Variants in AK5 observed in about 807,000 individuals in gnomAD.
AK5 encodes the protein adenylate kinase 5.
AK5 carries 27 observed loss-of-function variants against 69.5 expected under a neutral mutation model. The ratio of observed to expected loss-of-function variants is 0.39; its 90% CI spans 0.29 to 0.54. The LOEUF (loss-of-function observed/expected upper bound fraction) is 0.54, where lower values mean the gene tolerates loss of function less well. Among genes scored for constraint, AK5 ranks in the 20% least tolerant of loss-of-function variants. The pLI is 0.71. For missense variants in AK5, 531 were observed against 700.4 expected (o/e 0.76, Z 2.73); for synonymous variants, 260 against 244.4 (o/e 1.06, Z -0.60).
chr1:77,310,708 A>G (rs952825796), intron 5 of AK5, among the ~76,000 whole-genome samples: 3 of 152,100 alleles, frequency 2.0e-5, no homozygotes. Flanking sequence ...AGGTATGCCT[A>G]TACATTTATT....
chr1:77,386,274 C>T (rs1314743232), intron 6 of AK5, among the ~76,000 whole-genome samples: 1 of 152,078 alleles, frequency 6.6e-6, no homozygotes, highest in Non-Finnish European at 1.5e-5. Flanking sequence ...TTCAGGATGG[C>T]AATATTATAA....
At chr1:77,406,704 G>GAAAAAAAAAAAAA (rs752481198) in intron 6 of AK5, among the ~76,000 whole-genome samples, 17 of 147,606 alleles carry the variant, frequency 1.2e-4, no homozygotes, top group African/African-American at 3.8e-4. Context: ...CTGATGCTGA[G>GAAAAAAAAAAAAA]GAAAAAAAAA....
At chr1:77,310,405 A>C in intron 5 of AK5, among the ~76,000 whole-genome samples, 1 of 151,872 alleles carries the variant, frequency 6.6e-6, no homozygotes, top group East Asian at 1.9e-4. Flanking sequence ...TTTGAGACAG[A>C]GTCTTACTCA....
intron 8 of AK5, among the ~76,000 whole-genome samples, chr1:77,432,502 A>G (rs1181362953): frequency 6.6e-6 from 1 of 152,220 alleles, no homozygotes; most frequent in African/African-American, 2.4e-5. Flanking sequence ...AGCAACAGGT[A>G]CAAGTTTTAA....
intron 13 of AK5, among the ~76,000 whole-genome samples, chr1:77,552,118 C>A (rs1356033668): frequency 6.6e-6 from 1 of 152,198 alleles, no homozygotes; most frequent in Admixed American, 6.5e-5. Flanking sequence ...CCTCCATCAT[C>A]CCCAGGTGCT....
intron 1 of AK5, 88 bp downstream of exon 1, chr1:77,282,461 TC>T: frequency 6.8e-7 from 1 of 1,466,412 alleles, no homozygotes; most frequent in Non-Finnish European, 9.1e-7. Flanking sequence ...CGTCCCACCT[TC>T]CCCACACGGG....
At chr1:77,500,741 C>T (rs1318379912) in intron 10 of AK5, among the ~76,000 whole-genome samples, 2 of 152,144 alleles carry the variant, frequency 1.3e-5, no homozygotes, top group Non-Finnish European at 2.9e-5. Flanking sequence ...GAGATTGCAC[C>T]ACTGCACTCC....
At chr1:77,468,540 T>A (rs779847031) in intron 8 of AK5, among the ~76,000 whole-genome samples, 5 of 152,262 alleles carry the variant, frequency 3.3e-5, no homozygotes, top group Non-Finnish European at 7.3e-5. Context: ...ATTTTGAATT[T>A]CCCAGCTTTT....
At chr1:77,397,849 C>G (rs1033959553) in intron 6 of AK5, among the ~76,000 whole-genome samples, 1 of 152,196 alleles carries the variant, frequency 6.6e-6, no homozygotes, top group African/African-American at 2.4e-5. Context: ...CTGCAGTAAG[C>G]TATAATCATC....
At chr1:77,384,098 A>T (rs1202280775) in intron 6 of AK5, among the ~76,000 whole-genome samples, 1 of 152,138 alleles carries the variant, frequency 6.6e-6, no homozygotes, top group East Asian at 1.9e-4. Context: ...TATTCTACAG[A>T]TGGGCACGAA....
At chr1:77,509,582 A>G (rs1373189478) in intron 10 of AK5, among the ~76,000 whole-genome samples, 1 of 152,224 alleles carries the variant, frequency 6.6e-6, no homozygotes, top group Admixed American at 6.5e-5. Flanking sequence ...CCTTAACCCA[A>G]CATAGGGACC....
At chr1:77,343,104 G>A (rs1446903403) in intron 6 of AK5, among the ~76,000 whole-genome samples, 1 of 152,156 alleles carries the variant, frequency 6.6e-6, no homozygotes, top group Non-Finnish European at 1.5e-5. Context: ...GATGACTGTT[G>A]AGTTATGTGT....
At position 77,368,245 on chromosome 1, in the gene AK5, A is replaced by ATGTTATATATAT. The variant is rs1553140332; in HGVS notation, c.891+27678_891+27679insGTTATATATATT. On this transcript the variant is annotated intron_variant, in intron 6 of 13. Coordinates refer to ENST00000354567, the MANE Select transcript of AK5 (RefSeq NM_174858.3). ...TATATATATATATATATATATATAT[A>ATGTTATATATAT]TATATATAATATATATGTTATATAT... Among the ~76,000 whole-genome samples the ATGTTATATATAT allele has an allele frequency of 1.2e-3, 83 of 67,902 alleles. 7 individuals are homozygous for ATGTTATATATAT. Among genetic ancestry groups the ATGTTATATATAT allele is most frequent in the East Asian group, 6.3e-3 (8 of 1,278 alleles). 44.5% of individuals were successfully genotyped at this position (67,902 alleles called of 152,430 possible).
chr1:77,349,318 T>A (rs1662075871), intron 6 of AK5: 1 of 151,552 alleles, frequency 6.6e-6, no homozygotes, highest in African/African-American at 2.4e-5. Flanking sequence ...AAACAGAAAA[T>A]GTTTCACATA....
chr1:77,334,816 G>A (rs1426972563), intron 5 of AK5, among the ~76,000 whole-genome samples: 1 of 152,138 alleles, frequency 6.6e-6, no homozygotes, highest in Admixed American at 6.5e-5. Flanking sequence ...AAGCCTGGGG[G>A]TGGGGTTTGG....
chr1:77,401,268 C>T (rs993601228), intron 6 of AK5, among the ~76,000 whole-genome samples: 1 of 152,102 alleles, frequency 6.6e-6, no homozygotes, highest in Non-Finnish European at 1.5e-5. Flanking sequence ...AAAGAGAACA[C>T]CAATCAATCA....
chr1:77,322,150 G>A (rs1660568245), intron 5 of AK5, among the ~76,000 whole-genome samples: 1 of 152,152 alleles, frequency 6.6e-6, no homozygotes, highest in South Asian at 2.1e-4. Flanking sequence ...CCAAATACGT[G>A]GATGGGATAG....
At chr1:77,324,119 C>A (rs759226968) in intron 5 of AK5, among the ~76,000 whole-genome samples, 7 of 152,086 alleles carry the variant, frequency 4.6e-5, no homozygotes, top group Non-Finnish European at 8.8e-5. Context: ...CCTTGTAGAG[C>A]CTTGGCAATC....
chr1:77,556,828 A>G (rs1311114969), intron 13 of AK5, among the ~76,000 whole-genome samples: 1 of 152,168 alleles, frequency 6.6e-6, no homozygotes, highest in Non-Finnish European at 1.5e-5. Context: ...CAACAAAATC[A>G]TGTGGAGAAT....
Sources: gnomAD v4.1 joint callset for allele counts (sites outside exome capture counted in the v4.1 genomes callset) on GRCh38, gnomAD v4.1.1 for gene constraint, MANE v1.5 for transcripts, NCBI Gene and HGNC (gene_info 2026-07-23, HGNC 2026-07-21) for gene names.